Variants in GAB2 observed in about 807,000 individuals in gnomAD.
The protein encoded by GAB2 is GRB2-associated-binding protein 2.
GAB2 carries 26 observed loss-of-function variants against 65.5 expected under a neutral mutation model. The ratio of observed to expected loss-of-function variants is 0.40; its 90% CI spans 0.29 to 0.55. The LOEUF is 0.55. Ranked by LOEUF, GAB2 falls within the 20% of genes least tolerant of loss-of-function variation. The pLI, the probability that GAB2 is intolerant of heterozygous loss-of-function variation, is 0.53. For synonymous variants in GAB2, 321 were observed against 329.6 expected (o/e 0.97, Z 0.28); for missense variants, 884 against 875.8 (o/e 1.01, Z -0.12).
At chr11:78,404,537 C>T (rs1002441478) in intron 1 of GAB2, among the ~76,000 whole-genome samples, 9 of 152,194 alleles carry the variant, frequency 5.9e-5, no homozygotes, top group Non-Finnish European at 1.0e-4. Flanking sequence ...AGCAAGACTC[C>T]GTCTTGAAAA....
chr11:78,324,005 C>T (rs1296411756), intron 1 of GAB2, among the ~76,000 whole-genome samples: 1 of 151,798 alleles, frequency 6.6e-6, no homozygotes, highest in African/African-American at 2.4e-5. Flanking sequence ...GCCATGTGGG[C>T]CAGGCTGGTC....
At chr11:78,220,505 A>G (rs1864369903) in intron 8 of GAB2, 61 bp from the exon 9 acceptor site, 12 of 1,456,226 alleles carry the variant, frequency 8.2e-6, no homozygotes, top group Non-Finnish European at 1.1e-5. Context: ...CACCACCCAG[A>G]AAAACACCTC....
At chr11:78,285,151 T>C (rs1258891334) in intron 1 of GAB2, among the ~76,000 whole-genome samples, 1 of 152,236 alleles carries the variant, frequency 6.6e-6, no homozygotes, top group Admixed American at 6.5e-5. Flanking sequence ...CCAAGGTGCA[T>C]TTTAAAAAGA....
Position 78,215,504 on chromosome 11 carries a change from C to T in GAB2, c.*3768G>A, listed in dbSNP as rs752449609. ...AATAACTTAAGTGATTAGGCACCAA[C>T]AGTGATTTGAAAATTAAATGTCAAT... On this transcript the variant is annotated 3_prime_UTR_variant, in exon 10 of 10. Coordinates refer to ENST00000361507, the MANE Select transcript of GAB2 (RefSeq NM_080491.3). The T allele has an allele frequency of 6.6e-6, 1 of 152,628 alleles. No homozygotes were observed. Among genetic ancestry groups the T allele is most frequent in the Non-Finnish European group, 1.5e-5 (1 of 68,032 alleles). 9.5% of individuals were successfully genotyped at this position (152,628 alleles called of 1,614,324 possible). A position where few individuals can be genotyped will look rare whatever the true frequency, so the allele number is the denominator to read the frequency against.
At chr11:78,221,190 A>C (rs1864406234) in intron 8 of GAB2, among the ~76,000 whole-genome samples, 1 of 152,180 alleles carries the variant, frequency 6.6e-6, no homozygotes, top group Non-Finnish European at 1.5e-5. Context: ...TGGTTAATTC[A>C]TTCTTTCACT....
chr11:78,236,842 C>A (rs1362819588), intron 3 of GAB2, among the ~76,000 whole-genome samples: 1 of 152,048 alleles, frequency 6.6e-6, no homozygotes, highest in Non-Finnish European at 1.5e-5. Flanking sequence ...TGATGTCTTA[C>A]CCCTAATGTA....
chr11:78,253,376 C>T (rs186531295), intron 2 of GAB2, among the ~76,000 whole-genome samples: 1 of 152,276 alleles, frequency 6.6e-6, no homozygotes, highest in Non-Finnish European at 1.5e-5. Context: ...ACTATAACCT[C>T]GAACTCCCGG....
At position 78,223,734 on chromosome 11, in the gene GAB2, G is replaced by C. The variant is rs188304087; in HGVS notation, c.1303-58C>G. The C allele has an allele frequency of 1.3e-5, 19 of 1,414,030 alleles. No individual in the cohort carries two copies. In the Admixed American group the frequency reaches 2.2e-4, roughly 16 times the overall value. The allele number at this position is 1,414,030 out of a possible 1,614,324, so 87.6% of individuals were successfully genotyped here. ...GTTACTAGCAAGAAGAAACAGGAAGGGGGTAAGACTTTGTAAATGAGGCAA... is the reference window on the plus strand; with the variant it reads ...GTTACTAGCAAGAAGAAACAGGAAGCGGGTAAGACTTTGTAAATGAGGCAA... On this transcript the variant is annotated intron_variant, in intron 5 of 9. Transcript: ENST00000361507.
At chr11:78,379,837 T>TA (rs5792804) in intron 1 of GAB2, among the ~76,000 whole-genome samples, 24,317 of 152,210 alleles carry the variant, frequency 0.16, 2,594 homozygotes, top group East Asian at 0.41. Flanking sequence ...TAAGATCTTC[T>TA]AGTAAGACCA....
chr11:78,222,097 G>T lies in GAB2; in HGVS notation c.1658+8C>A. The stretch of plus-strand genomic sequence containing the variant: ...TCCAAGCTCCCACCCCCACACATAC[G>T]CACTTACTTGGCCCTAGACCAAGAC... On this transcript the variant is annotated splice_region_variant and intron_variant, in intron 7 of 9. Coordinates refer to ENST00000361507, the MANE Select transcript of GAB2 (RefSeq NM_080491.3). The T allele has an allele frequency of 1.3e-6, 2 of 1,577,832 alleles. No homozygotes were observed. The highest frequency in any genetic ancestry group is 1.7e-6 in the Non-Finnish European group (2 of 1,146,960).
At chr11:78,412,016 T>G (rs1293842491) in intron 1 of GAB2, among the ~76,000 whole-genome samples, 1 of 147,814 alleles carries the variant, frequency 6.8e-6, no homozygotes, top group African/African-American at 2.6e-5. Context: ...GGTGACAGAG[T>G]GAGAATCTGT....
chr11:78,379,757 AC>A (rs1287906608), intron 1 of GAB2, among the ~76,000 whole-genome samples: 3 of 152,332 alleles, frequency 2.0e-5, no homozygotes, highest in Admixed American at 6.5e-5. Flanking sequence ...AACAAATACA[AC>A]CCTGAACAAA....
intron 2 of GAB2, among the ~76,000 whole-genome samples, chr11:78,261,304 AAACCAG>A: frequency 6.6e-6 from 1 of 152,026 alleles, no homozygotes. Flanking sequence ...ACCAAAACAA[AAACCAG>A]AACCAGAACC....
chr11:78,230,110 G>T (rs150322376), intron 3 of GAB2, among the ~76,000 whole-genome samples: 1 of 152,224 alleles, frequency 6.6e-6, no homozygotes, highest in Admixed American at 6.5e-5. Flanking sequence ...GTTAATGCTT[G>T]TTGCATTATA....
chr11:78,274,008 TTTTTTG>T (rs1157016512), intron 2 of GAB2, among the ~76,000 whole-genome samples: 2 of 152,350 alleles, frequency 1.3e-5, no homozygotes, highest in East Asian at 3.9e-4. Context: ...ACCTGTTTTT[TTTTTTG>T]TTTTGTTTTT....
chr11:78,252,220 T>A (rs1590967922), intron 2 of GAB2, among the ~76,000 whole-genome samples: 3 of 152,362 alleles, frequency 2.0e-5, no homozygotes, highest in African/African-American at 7.2e-5. Context: ...TTTCTGCTGC[T>A]GGGCAGGACA....
intron 1 of GAB2, among the ~76,000 whole-genome samples, chr11:78,333,959 CCAAGTA>C (rs753777338): frequency 5.3e-5 from 8 of 152,078 alleles, no homozygotes; most frequent in Non-Finnish European, 1.2e-4. Context: ...TCTCATTGTA[CCAAGTA>C]CTCCTAGACT....
intron 1 of GAB2, among the ~76,000 whole-genome samples, chr11:78,344,664 C>G (rs947693845): frequency 6.6e-6 from 1 of 151,886 alleles, no homozygotes; most frequent in Admixed American, 6.6e-5. Flanking sequence ...TTTCATAGAT[C>G]TAACTGTAAA....
chr11:78,324,963 A>T (rs1430193816), intron 1 of GAB2, among the ~76,000 whole-genome samples: 1 of 152,174 alleles, frequency 6.6e-6, no homozygotes, highest in African/African-American at 2.4e-5. Context: ...TTTGCAACCC[A>T]ATTTACTTCG....
Sources: gnomAD v4.1 joint callset for allele counts (sites outside exome capture counted in the v4.1 genomes callset) on GRCh38, gnomAD v4.1.1 for gene constraint, MANE v1.5 for transcripts, NCBI Gene and HGNC (gene_info 2026-07-23, HGNC 2026-07-21) for gene names.